Variants in IQGAP2 observed in about 807,000 individuals in gnomAD.
IQGAP2 encodes the protein ras GTPase-activating-like protein IQGAP2.
A neutral mutation model predicts 201.3 loss-of-function variants in IQGAP2; 173 were observed. The observed-to-expected ratio is 0.86, with a 90% CI of 0.76 to 0.98. The LOEUF (loss-of-function observed/expected upper bound fraction) is 0.98, where lower values mean the gene tolerates loss of function less well. IQGAP2 is among the 50% of genes least tolerant of loss of function. The pLI is 0.00. For missense variants in IQGAP2, 1,687 were observed against 1,864.8 expected (o/e 0.90, Z 1.76); for synonymous variants, 675 against 673.9 (o/e 1.00, Z -0.03).
intron 2 of IQGAP2, among the ~76,000 whole-genome samples, chr5:76,550,235 G>T (rs746927441): frequency 1.6e-4 from 24 of 152,154 alleles, no homozygotes; most frequent in Non-Finnish European, 2.9e-4. Flanking sequence ...AAAGGGTCAT[G>T]GGTCCAAAGC....
intron 2 of IQGAP2, among the ~76,000 whole-genome samples, chr5:76,545,987 C>G (rs1198136337): frequency 6.6e-6 from 1 of 152,066 alleles, no homozygotes; most frequent in African/African-American, 2.4e-5. Flanking sequence ...TATCATTGGT[C>G]TTTGTTGATT....
intron 2 of IQGAP2, among the ~76,000 whole-genome samples, chr5:76,490,104 A>C (rs917052891): frequency 6.6e-6 from 1 of 152,232 alleles, no homozygotes; most frequent in Non-Finnish European, 1.5e-5. Context: ...CTTTTCATTG[A>C]AATGTAAATT....
chr5:76,477,883 A>G (rs1327939835), intron 2 of IQGAP2, among the ~76,000 whole-genome samples: 1 of 152,160 alleles, frequency 6.6e-6, no homozygotes. Flanking sequence ...AGTAAAAAAA[A>G]AAATTAAAAA....
chr5:76,590,900 G>C (rs41271834), intron 8 of IQGAP2, among the ~76,000 whole-genome samples: 1 of 151,842 alleles, frequency 6.6e-6, no homozygotes, highest in Non-Finnish European at 1.5e-5. Flanking sequence ...GAGCCTGCGC[G>C]CTATAGTGAG....
At chr5:76,695,718 C>A in intron 32 of IQGAP2, 52 bp downstream of exon 32, 1 of 1,450,388 alleles carries the variant, frequency 6.9e-7, no homozygotes, top group Non-Finnish European at 9.6e-7. Flanking sequence ...ATTTGCTAAT[C>A]ACCAGTCAAG....
At chr5:76,572,061 G>A (rs150407799) in intron 4 of IQGAP2, among the ~76,000 whole-genome samples, 4 of 152,166 alleles carry the variant, frequency 2.6e-5, no homozygotes, top group African/African-American at 4.8e-5. Flanking sequence ...ATATGTTCTC[G>A]ATCTCTATAG....
chr5:76,594,859 G>C (rs1219384900), intron 9 of IQGAP2, among the ~76,000 whole-genome samples: 1 of 151,990 alleles, frequency 6.6e-6, no homozygotes, highest in Non-Finnish European at 1.5e-5. Context: ...CCAGCTACTT[G>C]GGAGGCTGAG....
chr5:76,698,094 A>T lies in IQGAP2; in HGVS notation c.4314A>T (p.Gln1438His). ...LNKKAAFYEE[Q>H]INYYDTYIKT... ...AGAAGGCAGCATTTTATGAAGAGCA[A>T]ATCAATTATTATGACACCTACATAA... Residue 1438 changes from glutamine (Q) to histidine (H), a missense_variant, in exon 33 of 36, where the codon CAA becomes CAT. Coordinates refer to ENST00000274364, the MANE Select transcript of IQGAP2 (RefSeq NM_006633.5). 1 of 1,611,776 alleles carries T rather than the reference A, an allele frequency of 6.2e-7. No individual in the cohort carries two copies. Among genetic ancestry groups the T allele is most frequent in the Non-Finnish European group, 8.5e-7 (1 of 1,178,022 alleles).
intron 35 of IQGAP2, among the ~76,000 whole-genome samples, chr5:76,706,076 G>A (rs567978555): frequency 2.0e-5 from 3 of 152,164 alleles, no homozygotes; most frequent in Admixed American, 6.5e-5. Flanking sequence ...GCGGACCACC[G>A]CTTTGTACAA....
intron 2 of IQGAP2, among the ~76,000 whole-genome samples, chr5:76,478,788 C>T (rs542394129): frequency 3.3e-5 from 5 of 152,252 alleles, no homozygotes; most frequent in South Asian, 2.1e-4. Flanking sequence ...GTGATGTTTG[C>T]GCAATGACGG....
chr5:76,412,827 C>T (rs1484043413), intron 1 of IQGAP2, among the ~76,000 whole-genome samples: 1 of 152,230 alleles, frequency 6.6e-6, no homozygotes, highest in East Asian at 1.9e-4. Context: ...CTTCCATCCC[C>T]TGTGGAACCT....
chr5:76,452,013 G>C (rs1269015978), intron 1 of IQGAP2, among the ~76,000 whole-genome samples: 1 of 151,852 alleles, frequency 6.6e-6, no homozygotes, highest in Admixed American at 6.6e-5. Flanking sequence ...TTCCAGCCTG[G>C]GCAACAGAAT....
In IQGAP2 at chr5:76,613,256, A is replaced by T. The variant is rs554417161; in HGVS notation, c.1521+2073A>T. Among the ~76,000 whole-genome samples the T allele has an allele frequency of 2.0e-5, 3 of 152,378 alleles. No homozygotes were observed. The East Asian group carries it at 5.8e-4, about 29-fold the overall frequency. ...CCTGGAGTCCATACATCCCAGGGGC[A>T]GGAGAGTGGGCCTTCACCTTGATGT... is the stretch of plus-strand genomic sequence containing the variant. On this transcript the variant is annotated intron_variant, in intron 13 of 35. Coordinates refer to ENST00000274364, the MANE Select transcript of IQGAP2 (RefSeq NM_006633.5).
At chr5:76,597,235 C>T in intron 9 of IQGAP2, 1 of 582,168 alleles carries the variant, frequency 1.7e-6, no homozygotes, top group South Asian at 2.1e-5. Flanking sequence ...TGCTAAGGTT[C>T]TTGTAGGCAC....
At chr5:76,424,303 T>A (rs1179858349) in intron 1 of IQGAP2, among the ~76,000 whole-genome samples, 1 of 152,170 alleles carries the variant, frequency 6.6e-6, no homozygotes, top group Non-Finnish European at 1.5e-5. Context: ...AGATCTTTTT[T>A]ATTTTTATTT....
At chr5:76,652,436 A>T (rs1408000869) in intron 17 of IQGAP2, among the ~76,000 whole-genome samples, 2 of 113,190 alleles carry the variant, frequency 1.8e-5, no homozygotes, top group Non-Finnish European at 4.2e-5. Context: ...GTTTTGGAGA[A>T]ATTCCATTTT....
rs1036910551 is a variant in IQGAP2, at chr5:76,631,231, C to T, written c.1613-628C>T. Among the ~76,000 whole-genome samples, 9 of 152,118 alleles carry T rather than the reference C, an allele frequency of 5.9e-5. No individual in the cohort carries two copies. In the South Asian group the frequency reaches 1.9e-3, roughly 31 times the overall value. On this transcript the variant is annotated intron_variant, in intron 14 of 35. Coordinates refer to ENST00000274364, the MANE Select transcript of IQGAP2 (RefSeq NM_006633.5). ...GGAAATAATTCACTAAGTTAACTTT[C>T]CTTAGGCAACCAAGAGTTTAATGTG...
intron 5 of IQGAP2, among the ~76,000 whole-genome samples, chr5:76,587,814 C>T (rs1039135462): frequency 1.3e-5 from 2 of 151,960 alleles, no homozygotes; most frequent in African/African-American, 4.8e-5. Context: ...GGCTCTGTGG[C>T]ATGCACCTGT....
chr5:76,562,544 C>A lies in IQGAP2; in HGVS notation c.295C>A (p.Arg99Ser). The change falls in exon 3 of 36, where the codon CGT becomes AGT. Residue 99 changes from arginine to serine, a missense_variant. By Grantham distance (110) the Arg-to-Ser change is moderately radical. Coordinates refer to ENST00000274364, the MANE Select transcript of IQGAP2 (RefSeq NM_006633.5). ...AAAGATCTATGATGTGGAACAAACA[C>A]GTTATAAGGTAACCAAGATCTAATT... ...EKKIYDVEQT[R>S]YKKSGLHFRH... 1 of 1,611,966 alleles carries A rather than the reference C, an allele frequency of 6.2e-7. No homozygotes were observed. The highest frequency in any genetic ancestry group is 8.5e-7 in the Non-Finnish European group (1 of 1,179,240).
Sources: allele counts gnomAD v4.1 joint callset (sites outside exome capture counted in the v4.1 genomes callset), GRCh38; gene constraint gnomAD v4.1.1; transcripts MANE v1.5; gene names NCBI Gene and HGNC (gene_info 2026-07-23, HGNC 2026-07-21).